Variants in PKM observed in about 807,000 individuals in gnomAD.
PKM encodes the protein pyruvate kinase PKM.
In PKM, 18 loss-of-function variants were observed where a neutral mutation model predicts 49.8. The observed-to-expected ratio is 0.36, with a 90% CI of 0.25 to 0.54. The LOEUF is 0.54. PKM is among the 20% of genes least tolerant of loss of function. The pLI, the probability that PKM is intolerant of heterozygous loss-of-function variation, is 0.89. For synonymous variants in PKM, 239 were observed against 261.8 expected, an observed-to-expected ratio of 0.91 and a Z score of 0.84; for missense variants, 508 against 713.8, an observed-to-expected ratio of 0.71 and a Z score of 3.28.
chr15:72,224,502 CTA>C (rs2082608670), intron 1 of PKM, among the ~76,000 whole-genome samples: 3 of 152,106 alleles, frequency 2.0e-5, no homozygotes, highest in African/African-American at 7.2e-5. Flanking sequence ...AGGTTTGCTT[CTA>C]TGTTACGAAT....
At chr15:72,201,882 A>AG (rs2081954397) in intron 9 of PKM, 1 of 171,276 alleles carries the variant, frequency 5.8e-6, no homozygotes, top group African/African-American at 2.4e-5. Flanking sequence ...TCCTGGGCCA[A>AG]GGAAGGGATC....
intron 8 of PKM, 193 bp downstream of exon 8, chr15:72,206,535 C>T: frequency 1.7e-6 from 1 of 594,000 alleles, no homozygotes; most frequent in Non-Finnish European, 3.0e-6. Context: ...GGGGTGTGGG[C>T]AGGAATGCAG....
chr15:72,203,031 T>C, intron 8 of PKM: 1 of 1,614,120 alleles, frequency 6.2e-7, no homozygotes, highest in Non-Finnish European at 8.5e-7. Context: ...CCTGCCAGAC[T>C]CCGTCAGAAC....
At chr15:72,226,525 G>A (rs897809842) in intron 1 of PKM, among the ~76,000 whole-genome samples, 5 of 151,976 alleles carry the variant, frequency 3.3e-5, no homozygotes, top group African/African-American at 9.7e-5. Context: ...GCGAGACTCC[G>A]TCTCAAAAAA....
intron 1 of PKM, among the ~76,000 whole-genome samples, chr15:72,226,889 C>T (rs1166596800): frequency 6.6e-6 from 1 of 152,212 alleles, no homozygotes; most frequent in Non-Finnish European, 1.5e-5. Flanking sequence ...TGCAGACAAG[C>T]ACAAACCACT....
intron 3 of PKM, among the ~76,000 whole-genome samples, chr15:72,214,307 T>C (rs755392968): frequency 6.6e-6 from 1 of 152,236 alleles, no homozygotes; most frequent in Non-Finnish European, 1.5e-5. Flanking sequence ...CTTGGGGATG[T>C]AAAACCATAT....
At position 72,202,747 on chromosome 15, in the gene PKM, G is replaced by A. The variant is rs758577010; in HGVS notation, c.1141-127C>T. ...TGAGGAACATGTTCCTGGGAACAAA[G>A]GCCAAGAGGAGCCCAATCACTGGAG... On this transcript the variant is annotated intron_variant, in intron 8 of 10. Transcript: ENST00000335181. This position sits in a 1 kb window ranked among gnomAD's most constrained non-coding sequence, Gnocchi z 4.5. The A allele has an allele frequency of 9.3e-5, 79 of 852,284 alleles. No homozygotes were observed. Among genetic ancestry groups the A allele is most frequent in the Non-Finnish European group, 1.4e-4 (73 of 530,540 alleles). The allele number at this position is 852,284 out of a possible 1,614,324, so 52.8% of individuals were successfully genotyped here. A position where few individuals can be genotyped will look rare whatever the true frequency, so the allele number is the denominator to read the frequency against.
chr15:72,199,229 C>T lies in PKM; in HGVS notation c.*421G>A. On this transcript the variant is annotated 3_prime_UTR_variant, in exon 11 of 11. Transcript: ENST00000335181. ...TAAGGGCCAGGGCCAGAGTCGGCTTCAATGGAACAACAGCCCAGTGCCCTA... is the reference window on the plus strand; with the variant it reads ...TAAGGGCCAGGGCCAGAGTCGGCTTTAATGGAACAACAGCCCAGTGCCCTA... 1 of 363,176 alleles carries T rather than the reference C, an allele frequency of 2.8e-6. No homozygotes were observed. Among genetic ancestry groups the T allele is most frequent in the South Asian group, 2.1e-5 (1 of 47,474 alleles). The allele number at this position is 363,176 out of a possible 1,614,324, so 22.5% of individuals were successfully genotyped here.
At chr15:72,224,111 G>A (rs1229714074) in intron 1 of PKM, among the ~76,000 whole-genome samples, 3 of 152,176 alleles carry the variant, frequency 2.0e-5, no homozygotes. Flanking sequence ...ACCCCTCAAT[G>A]TCCTCAGATG....
chr15:72,231,194 G>A (rs958355179), upstream of PKM: 8 of 261,356 alleles, frequency 3.1e-5, no homozygotes, highest in South Asian at 9.1e-5. Context: ...GCTGTGCAAG[G>A]AGCCACTGCC....
Position 72,200,683 on chromosome 15 carries a change from G to A in PKM, c.1308-28C>T, listed in dbSNP as rs750793542. The A allele has an allele frequency of 3.1e-6, 5 of 1,597,732 alleles. No individual in the cohort carries two copies. Among genetic ancestry groups the A allele is most frequent in the South Asian group, 1.1e-5 (1 of 90,378 alleles). Reference sequence around the variant, plus strand: ...GAGATGGGATGGGGGACATACAGAAGAGACCATTACACGAGGCCCCAGGAA... The same window carrying A: ...GAGATGGGATGGGGGACATACAGAAAAGACCATTACACGAGGCCCCAGGAA... On this transcript the variant is annotated intron_variant, in intron 9 of 10. Transcript: ENST00000335181. The surrounding 1 kb of genome is among the most constrained non-coding windows in gnomAD (Gnocchi z 4.6).
chr15:72,199,899 C>T lies in PKM; in HGVS notation c.1490-143G>A, dbSNP rs1020034771. The stretch of plus-strand genomic sequence containing the variant: ...CACAAGGTGGCACCAAACTCACAGC[C>T]CAGGCAAACAGGAGGAAGGCCCTGA... On this transcript the variant is annotated intron_variant, in intron 10 of 10. Transcript: ENST00000335181. 22 of 701,452 alleles carry T rather than the reference C, an allele frequency of 3.1e-5. No homozygotes were observed. In the African/African-American group the frequency reaches 3.7e-4, roughly 12 times the overall value. 43.5% of individuals were successfully genotyped at this position (701,452 alleles called of 1,614,324 possible).
chr15:72,217,460 A>T lies in PKM; in HGVS notation c.195T>A (p.Ile65=). 1 of 1,613,118 alleles carries T rather than the reference A, an allele frequency of 6.2e-7. No individual in the cohort carries two copies. Among genetic ancestry groups the T allele is most frequent in the South Asian group, 1.1e-5 (1 of 91,068 alleles). The change falls in exon 3 of 11, where the codon ATT becomes ATA. Residue 65 remains isoleucine (I), a synonymous_variant. Transcript: ENST00000335181. ...GACGAGCCACATTCATTCCAGACTT[A>T]ATCATCTCCTTCAACGTCTCCACTG... ...SRSVETLKEM[I]KSGMNVARLN...
chr15:72,226,164 G>T (rs535769850), intron 1 of PKM, among the ~76,000 whole-genome samples: 1 of 152,314 alleles, frequency 6.6e-6, no homozygotes, highest in Admixed American at 6.5e-5. Context: ...TGTCTTATGT[G>T]CCCTGACTGA....
Position 72,210,404 on chromosome 15 carries a change from G to C in PKM, c.321C>G (p.Pro107=), listed in dbSNP as rs149428056. The stretch of plus-strand genomic sequence containing the variant: ...CTTTAGTGTCTAGAGCCACAGCAAC[G>C]GGCCGGTAGAGGATGGGGTCAGAAG... ...SFASDPILYR[P]VAVALDTKGP... The change falls in exon 4 of 11, where the codon CCC becomes CCG. Residue 107 remains proline (P), a synonymous_variant. Transcript: ENST00000335181. The C allele has an allele frequency of 1.2e-6, 2 of 1,614,030 alleles. No homozygotes were observed. Among genetic ancestry groups the C allele is most frequent in the Non-Finnish European group, 1.7e-6 (2 of 1,180,016 alleles).
At chr15:72,213,049 T>C (rs1425301487) in intron 3 of PKM, among the ~76,000 whole-genome samples, 1 of 151,698 alleles carries the variant, frequency 6.6e-6, no homozygotes, top group African/African-American at 2.4e-5. Context: ...CATTCCAGCC[T>C]GGGTGACAGA....
chr15:72,223,023 C>T (rs59221237), intron 1 of PKM, among the ~76,000 whole-genome samples: 3,114 of 131,988 alleles, frequency 0.024, 113 homozygotes, highest in African/African-American at 0.082. Context: ...TTTTTTTTTT[C>T]TTTTTTTTTT....
At chr15:72,211,947 G>C (rs2082264952) in intron 3 of PKM, among the ~76,000 whole-genome samples, 1 of 152,142 alleles carries the variant, frequency 6.6e-6, no homozygotes, top group African/African-American at 2.4e-5. Flanking sequence ...CACTGTCCAG[G>C]AAAGTGGCAC....
At chr15:72,199,887 C>G (rs1259940768) in intron 10 of PKM, 131 bp from the exon 11 acceptor site, 1 of 709,010 alleles carries the variant, frequency 1.4e-6, no homozygotes, top group Non-Finnish European at 2.6e-6. Context: ...AAGGTGGCAC[C>G]AAACTCACAG....
Sources: allele counts gnomAD v4.1 joint callset (sites outside exome capture counted in the v4.1 genomes callset), GRCh38; gene constraint gnomAD v4.1.1; non-coding constraint Gnocchi (gnomAD v3.1); transcripts MANE v1.5; gene names NCBI Gene and HGNC (gene_info 2026-07-23, HGNC 2026-07-21).